The following LAMB3 variants were observed in gnomAD, a reference collection of about 807,000 sequenced individuals.
The protein encoded by LAMB3 is laminin subunit beta 3, also known as laminin subunit beta-3.
A neutral mutation model predicts 140.3 loss-of-function variants in LAMB3; 104 were observed. The observed-to-expected ratio is 0.74, with a 90% CI of 0.63 to 0.87. The LOEUF (loss-of-function observed/expected upper bound fraction) is 0.87. Among genes scored for constraint, LAMB3 ranks in the 40% least tolerant of loss-of-function variants. The probability of loss-of-function intolerance (pLI) is 0.00; values close to 1 mark genes in which losing one functional copy is unlikely to be tolerated. For synonymous variants in LAMB3, 592 were observed against 602.9 expected (o/e 0.98, Z 0.26); for missense variants, 1,531 against 1,575.2 (o/e 0.97, Z 0.47).
chr1:209,625,449 T>A (rs925806870), intron 14 of LAMB3, among the ~76,000 whole-genome samples, 199 bp downstream of exon 14: 1 of 152,142 alleles, frequency 6.6e-6, no homozygotes, highest in Non-Finnish European at 1.5e-5. Context: ...CTCTGTCACA[T>A]CACCTGTCTG....
At chr1:209,617,779 AG>A (rs1666027226) in intron 20 of LAMB3, 127 bp downstream of exon 20, 2 of 1,361,842 alleles carry the variant, frequency 1.5e-6, no homozygotes, top group East Asian at 2.3e-5. Flanking sequence ...GCCTGCCCAA[AG>A]CTTGTCACTC....
Position 209,617,535 on chromosome 1 carries a change from G to A in LAMB3, c.3103C>T (p.Gln1035Ter). 6.2e-7 allele frequency: 1 copy of A among 1,614,104 alleles called. No homozygotes were observed. The highest frequency in any genetic ancestry group is 8.5e-7 in the Non-Finnish European group (1 of 1,180,044). The change falls in exon 21 of 23, where the codon CAG becomes TAG. Residue 1035 changes from glutamine to a stop codon, truncating the protein, a stop_gained. Coordinates refer to ENST00000356082, the MANE Select transcript of LAMB3 (RefSeq NM_000228.3). LOFTEE classifies it high-confidence loss of function. ...AEKLVTSMTK[Q>*]LGDFWTRMEE... ...ATCCGTGTCCAGAAGTCACCCAGCT[G>A]CTTGGTCATGCTTGTCACCAGCTTT...
chr1:209,638,444 G>C (rs1267042447), intron 4 of LAMB3, 90 bp downstream of exon 4: 1 of 854,050 alleles, frequency 1.2e-6, no homozygotes, highest in African/African-American at 1.6e-5. Context: ...AGAAATGCCT[G>C]GGAAACCCAA....
At chr1:209,619,578 G>T (rs891953638) in intron 18 of LAMB3, among the ~76,000 whole-genome samples, 1 of 152,232 alleles carries the variant, frequency 6.6e-6, no homozygotes, top group African/African-American at 2.4e-5. Flanking sequence ...CAATCCATTT[G>T]CAAGAGTTGT....
chr1:209,625,840 T>G lies in LAMB3; in HGVS notation c.1784A>C (p.Gln595Pro). Residue 595 changes from glutamine (Q) to proline (P), a missense_variant, in exon 14 of 23, where the codon CAG (glutamine) becomes CCG (proline). By Grantham distance (76) the Gln-to-Pro change is moderately conservative. Transcript: ENST00000356082. ...GCGGAGTCTACCAAAGCGCAGGGCCTGCTCCCGGAGGTCCGCATCATAGGT... is the reference window on the plus strand; with the variant it reads ...GCGGAGTCTACCAAAGCGCAGGGCCGGCTCCCGGAGGTCCGCATCATAGGT... ...FQTYDADLRE[Q>P]ALRFGRLRNA... is the part of the protein sequence containing the mutation. The G allele has an allele frequency of 6.2e-7, 1 of 1,614,090 alleles. No individual in the cohort carries two copies. Among genetic ancestry groups the G allele is most frequent in the Non-Finnish European group, 8.5e-7 (1 of 1,180,010 alleles).
At chr1:209,616,391 C>G (rs146456804) in intron 22 of LAMB3, 80 bp downstream of exon 22, 4 of 1,519,702 alleles carry the variant, frequency 2.6e-6, no homozygotes, top group Non-Finnish European at 3.7e-6. Flanking sequence ...CCAATAAGAA[C>G]GGGCTTCAGA....
chr1:209,627,192 T>C (rs1369078718), intron 12 of LAMB3, among the ~76,000 whole-genome samples, 191 bp downstream of exon 12: 2 of 151,948 alleles, frequency 1.3e-5, no homozygotes, highest in Admixed American at 6.5e-5. Context: ...GTGGTGCATA[T>C]GGTATTACTG....
intron 9 of LAMB3, 41 bp from the exon 10 acceptor site, chr1:209,629,966 C>G: frequency 6.3e-7 from 1 of 1,582,944 alleles, no homozygotes; most frequent in Non-Finnish European, 8.7e-7. Context: ...TGACCCACAC[C>G]TTTGCTATCT....
chr1:209,628,703 A>G (rs946712404), intron 10 of LAMB3, among the ~76,000 whole-genome samples: 4 of 146,340 alleles, frequency 2.7e-5, no homozygotes, highest in African/African-American at 7.9e-5. Context: ...TCCATTAAAA[A>G]AGAGAGAGAG....
chr1:209,652,073 A>C, intron 1 of LAMB3, among the ~76,000 whole-genome samples: 1 of 151,752 alleles, frequency 6.6e-6, no homozygotes, highest in African/African-American at 2.4e-5. Flanking sequence ...CAGCTTTCCC[A>C]CCCCTGACTG....
rs1483397465 is a variant in LAMB3, at chr1:209,630,260, T to A, written c.944-335A>T. On this transcript the variant is annotated intron_variant, in intron 9 of 22. Coordinates refer to ENST00000356082, the MANE Select transcript of LAMB3 (RefSeq NM_000228.3). ...TGGTCTCCTCCTGGGTCACTGCCTG[T>A]CTCCAGGATGAGAATCTCTGTTTTC... Among the ~76,000 whole-genome samples, 2 of 152,142 alleles carry A rather than the reference T, an allele frequency of 1.3e-5. 1 individual carries two copies. Among genetic ancestry groups the A allele is most frequent in the Non-Finnish European group, 2.9e-5 (2 of 68,036 alleles).
At chr1:209,633,262 C>A (rs1179635866) in intron 6 of LAMB3, 129 bp from the exon 7 acceptor site, 2 of 743,366 alleles carry the variant, frequency 2.7e-6, no homozygotes, top group Non-Finnish European at 4.9e-6. Context: ...TGAGATAGAC[C>A]ATGGCTATGA....
chr1:209,616,560 A>G lies in LAMB3; in HGVS notation c.3293T>C (p.Leu1098Pro), dbSNP rs116580440. 5.6e-6 allele frequency: 9 copies of G among 1,614,052 alleles called. No homozygotes were observed. The East Asian group carries it at 1.3e-4, about 24-fold the overall frequency. ...CTGGATCCGGGCACCCTGCTCACCCAGCATGGAACTCTGACCCAACCGGTC... is the reference window on the plus strand; with the variant it reads ...CTGGATCCGGGCACCCTGCTCACCCGGCATGGAACTCTGACCCAACCGGTC... The part of the protein sequence containing the change: ...LKDRLGQSSM[L>P]GEQGARIQSV... Residue 1098 changes from leucine to proline, a missense_variant, in exon 22 of 23, where the codon CTG (leucine) becomes CCG (proline). Leu to Pro is a moderately conservative substitution (Grantham distance 98). Transcript: ENST00000356082.
chr1:209,627,256 G>A lies in LAMB3; in HGVS notation c.1485+127C>T, dbSNP rs527967464. 279 of 793,020 alleles carry A rather than the reference G, an allele frequency of 3.5e-4. No homozygotes were observed. In the African/African-American group the frequency reaches 3.9e-3, roughly 11 times the overall value. The allele number at this position is 793,020 out of a possible 1,614,324, so 49.1% of individuals were successfully genotyped here. Reference sequence around the variant, plus strand: ...TCTGGTGACTTCCCCAAATGAGAACGGGGACAGAAGACGCCCAGTCTGACA... The same window carrying A: ...TCTGGTGACTTCCCCAAATGAGAACAGGGACAGAAGACGCCCAGTCTGACA... On this transcript the variant is annotated intron_variant, in intron 12 of 22. Transcript: ENST00000356082.
chr1:209,623,254 CCAA>C lies in LAMB3; in HGVS notation c.2359-78_2359-76del. 6.9e-7 allele frequency: 1 copy of C among 1,442,178 alleles called. No homozygotes were observed. The highest frequency in any genetic ancestry group is 1.8e-5 in the Admixed American group (1 of 55,358). The allele number at this position is 1,442,178 out of a possible 1,614,324, so 89.3% of individuals were successfully genotyped here. ...CCAATCCCACCCCACACCTGGGAAACCAACAGCCAGACATCTCCATGACAACCA... is the reference window on the plus strand; with the variant it reads ...CCAATCCCACCCCACACCTGGGAAACCAGCCAGACATCTCCATGACAACCA... On this transcript the variant is annotated intron_variant, in intron 16 of 22. Transcript: ENST00000356082. The surrounding 1 kb of genome is among the most constrained non-coding windows in gnomAD (Gnocchi z 4.2).
intron 14 of LAMB3, 59 bp downstream of exon 14, chr1:209,625,589 C>T (rs868118705): frequency 5.0e-6 from 8 of 1,596,596 alleles, no homozygotes; most frequent in Middle Eastern, 1.7e-4. Flanking sequence ...CCAGCATGCC[C>T]GGTACTGGAA....
intron 14 of LAMB3, among the ~76,000 whole-genome samples, chr1:209,624,234 T>G (rs1666333711): frequency 6.6e-6 from 1 of 152,140 alleles, no homozygotes; most frequent in African/African-American, 2.4e-5. Flanking sequence ...TCCCTTGACT[T>G]CTATGACCCA....
intron 8 of LAMB3, 26 bp downstream of exon 8, chr1:209,632,557 C>T: frequency 6.2e-7 from 1 of 1,605,966 alleles, no homozygotes; most frequent in Non-Finnish European, 8.5e-7. Flanking sequence ...CCCCCTTCCT[C>T]TCCCCTTCCC....
chr1:209,634,686 C>T, intron 5 of LAMB3, 48 bp from the exon 6 acceptor site: 4 of 1,480,182 alleles, frequency 2.7e-6, no homozygotes, highest in Non-Finnish European at 2.8e-6. Flanking sequence ...GGGGCTGTGC[C>T]CCGTGGAGAC....
Sources: gnomAD v4.1 joint callset for allele counts (sites outside exome capture counted in the v4.1 genomes callset) on GRCh38, gnomAD v4.1.1 for gene constraint, Gnocchi (gnomAD v3.1) non-coding constraint, MANE v1.5 for transcripts, NCBI Gene and HGNC (gene_info 2026-07-23, HGNC 2026-07-21) for gene names.